The following ZFAT variants were observed in gnomAD, a reference collection of about 807,000 sequenced individuals.
The protein encoded by ZFAT is zinc finger and AT-hook domain containing, also known as zinc finger protein ZFAT.
ZFAT carries 64 observed loss-of-function variants against 117.7 expected under a neutral mutation model. The ratio of observed to expected loss-of-function variants is 0.54; its 90% CI spans 0.44 to 0.67. ZFAT has a LOEUF of 0.67. ZFAT is among the 30% of genes least tolerant of loss of function. The pLI is 0.00. For synonymous variants in ZFAT, 679 were observed against 615.0 expected (o/e 1.10, Z -1.54); for missense variants, 1,433 against 1,584.5 (o/e 0.90, Z 1.62).
At chr8:134,826,880 T>G in the ZFAT span, among the ~76,000 whole-genome samples, 5 of 152,204 alleles carry the variant, frequency 3.3e-5, no homozygotes, top group Non-Finnish European at 5.9e-5. Context: ...TTTTTACAAA[T>G]GAACTTTGTA....
the ZFAT span, among the ~76,000 whole-genome samples, chr8:134,827,406 A>G: frequency 1.3e-5 from 2 of 152,322 alleles, no homozygotes; most frequent in South Asian, 4.1e-4. Context: ...CACAAAATCT[A>G]AACTTTTTAA....
intron 11 of ZFAT, among the ~76,000 whole-genome samples, chr8:134,539,001 G>A (rs1269063940): frequency 6.6e-6 from 1 of 152,090 alleles, no homozygotes; most frequent in Non-Finnish European, 1.5e-5. Flanking sequence ...TAAAAAGCAG[G>A]TAAAATACAC....
chr8:134,782,001 A>G, the ZFAT span, among the ~76,000 whole-genome samples: 1 of 152,240 alleles, frequency 6.6e-6, no homozygotes, highest in Non-Finnish European at 1.5e-5. Context: ...AGAGCAGTCA[A>G]AAGTTACACT....
At chr8:134,553,096 C>A (rs1410287101) in intron 11 of ZFAT, among the ~76,000 whole-genome samples, 1 of 152,152 alleles carries the variant, frequency 6.6e-6, no homozygotes, top group Non-Finnish European at 1.5e-5. Flanking sequence ...GAGAATCACA[C>A]TTTTTGAAAG....
chr8:134,753,212 A>G, the ZFAT span, among the ~76,000 whole-genome samples: 2 of 146,652 alleles, frequency 1.4e-5, no homozygotes, highest in African/African-American at 2.6e-5. Context: ...AAAAAAAACA[A>G]CACAAAACCA....
intron 11 of ZFAT, among the ~76,000 whole-genome samples, chr8:134,548,334 G>T (rs765188209): frequency 1.3e-5 from 2 of 152,170 alleles, no homozygotes; most frequent in African/African-American, 2.4e-5. Context: ...GGTGAGAGAA[G>T]CCCCGTGTGG....
intron 1 of ZFAT, among the ~76,000 whole-genome samples, chr8:134,669,931 A>G (rs566278279): frequency 2.9e-4 from 44 of 152,348 alleles, no homozygotes; most frequent in African/African-American, 1.0e-3. Flanking sequence ...ATGGACAACA[A>G]AAAAGGCAGA....
chr8:134,644,203 G>C (rs1830744588), intron 2 of ZFAT, among the ~76,000 whole-genome samples: 1 of 152,062 alleles, frequency 6.6e-6, no homozygotes, highest in African/African-American at 2.4e-5. Flanking sequence ...CCAGCACCTA[G>C]CACAGCACCC....
intron 3 of ZFAT, among the ~76,000 whole-genome samples, chr8:134,623,880 C>T (rs1263513847): frequency 6.6e-6 from 1 of 152,080 alleles, no homozygotes; most frequent in Non-Finnish European, 1.5e-5. Flanking sequence ...ACCTCACCTG[C>T]TCTCCAGGCT....
chr8:134,637,292 A>C (rs751884349), intron 3 of ZFAT, among the ~76,000 whole-genome samples, 169 bp downstream of exon 3: 4 of 152,234 alleles, frequency 2.6e-5, no homozygotes, highest in Non-Finnish European at 4.4e-5. Flanking sequence ...CACTTCAAAG[A>C]CTACTTACGG....
the ZFAT span, among the ~76,000 whole-genome samples, chr8:134,830,533 A>G: frequency 1.3e-5 from 2 of 152,242 alleles, no homozygotes; most frequent in African/African-American, 4.8e-5. Flanking sequence ...ACATATCAGA[A>G]ATGCTTAGGT....
rs555318104 is a variant in ZFAT, at chr8:134,609,490, C to T, written c.635-611G>A. Among the ~76,000 whole-genome samples the T allele has an allele frequency of 1.2e-4, 18 of 152,262 alleles. No homozygotes were observed. The South Asian group carries it at 3.7e-3, about 32-fold the overall frequency. ...ACTTTCCAGAAAGTTCTTCTAGCCACACAATTTTATATGGTCTGTTCTCTA... is the reference window on the plus strand; with the variant it reads ...ACTTTCCAGAAAGTTCTTCTAGCCATACAATTTTATATGGTCTGTTCTCTA... On this transcript the variant is annotated intron_variant, in intron 4 of 15. Transcript: ENST00000377838.
At chr8:134,531,500 C>T (rs1182442068) in intron 12 of ZFAT, among the ~76,000 whole-genome samples, 1 of 152,220 alleles carries the variant, frequency 6.6e-6, no homozygotes, top group South Asian at 2.1e-4. Context: ...ACTGCATGCA[C>T]GTGTTTTTCC....
intron 10 of ZFAT, among the ~76,000 whole-genome samples, chr8:134,567,830 G>T (rs1368550368): frequency 1.3e-5 from 2 of 152,136 alleles, no homozygotes; most frequent in Non-Finnish European, 2.9e-5. Flanking sequence ...CATTTTCCAT[G>T]CCTGGAATGC....
At chr8:134,678,121 T>G (rs990669014) in intron 1 of ZFAT, among the ~76,000 whole-genome samples, 3 of 152,054 alleles carry the variant, frequency 2.0e-5, no homozygotes, top group African/African-American at 7.3e-5. Context: ...GAGAAAGAAA[T>G]AAAGGGTATT....
chr8:134,664,195 T>C (rs896793736), intron 1 of ZFAT, among the ~76,000 whole-genome samples: 11 of 150,734 alleles, frequency 7.3e-5, no homozygotes, highest in African/African-American at 2.7e-4. Flanking sequence ...GGCCAGCCCA[T>C]GATCCCCACT....
rs758523008 is a variant in ZFAT, at chr8:134,602,138, G to A, written c.1581C>T (p.Gly527=). 1.4e-5 allele frequency: 22 copies of A among 1,612,848 alleles called. No individual in the cohort carries two copies. Among genetic ancestry groups the A allele is most frequent in the South Asian group, 6.6e-5 (6 of 90,958 alleles). ...AGGCCTCTTCCTTGAGTGCATTCAC[G>A]CCCTGGAGGGCAAACTCCTCTTCCA... ...QLVEEEFALQ[G]VNALKEEACP... is the part of the protein sequence containing the mutation. Residue 527 remains glycine (G), a synonymous_variant, in exon 6 of 16, where the codon GGC becomes GGT. Coordinates refer to ENST00000377838, the MANE Select transcript of ZFAT (RefSeq NM_020863.4).
the ZFAT span, among the ~76,000 whole-genome samples, chr8:134,832,103 C>CGGGGACGCGCCAGCGCCAGGGTG: frequency 0.044 from 6,556 of 148,540 alleles, 263 homozygotes; most frequent in East Asian, 0.25. Flanking sequence ...GGAGAGGGCG[C>CGGGGACGCGCCAGCGCCAGGGTG]GGGGACGCGC....
At chr8:134,620,008 T>C (rs1476303343) in intron 3 of ZFAT, among the ~76,000 whole-genome samples, 1 of 152,168 alleles carries the variant, frequency 6.6e-6, no homozygotes, top group South Asian at 2.1e-4. Flanking sequence ...GCCGAACAGC[T>C]GGCTCCACAA....
Sources: gnomAD v4.1 joint callset for allele counts (sites outside exome capture counted in the v4.1 genomes callset) on GRCh38, gnomAD v4.1.1 for gene constraint, MANE v1.5 for transcripts, NCBI Gene and HGNC (gene_info 2026-07-23, HGNC 2026-07-21) for gene names.